Variants in NQO1 observed in about 807,000 individuals in gnomAD.
NQO1 encodes the protein NAD(P)H dehydrogenase [quinone] 1.
In NQO1, 30 loss-of-function variants were observed where a neutral mutation model predicts 32.1. That is an observed-to-expected ratio of 0.94 (90% CI 0.70 to 1.27). The LOEUF (loss-of-function observed/expected upper bound fraction) is 1.27. NQO1 is among the 50% of genes most tolerant of loss of function. The pLI is 0.00. For synonymous variants in NQO1, 109 were observed against 119.7 expected (o/e 0.91, Z 0.59); for missense variants, 276 against 331.3 (o/e 0.83, Z 1.30).
intron 1 of NQO1, 98 bp downstream of exon 1, chr16:69,726,335 C>T (rs2038261626): frequency 4.6e-6 from 7 of 1,525,280 alleles, no homozygotes; most frequent in East Asian, 2.3e-5. Flanking sequence ...GGTTTTGAGT[C>T]AAGGAACAAA....
rs114210534 is a variant in NQO1 at position 69,717,589 on chromosome 16, A to C, written c.303+534T>G. 5.5e-3 allele frequency among the ~76,000 whole-genome samples: 838 copies of C among 151,618 alleles called. 8 individuals carry two copies. The highest frequency in any genetic ancestry group is 0.019 in the African/African-American group (788 of 41,374). On this transcript the variant is annotated intron_variant, in intron 3 of 5. Transcript: ENST00000320623. Reference sequence around the variant, plus strand: ...CTCAAGGACTGTACATCATCTCTGCAGCTGCATTTCTTTCTTTCTTTTTTT... The same window carrying C: ...CTCAAGGACTGTACATCATCTCTGCCGCTGCATTTCTTTCTTTCTTTTTTT...
intron 4 of NQO1, among the ~76,000 whole-genome samples, chr16:69,714,706 C>T (rs906853715): frequency 3.3e-5 from 5 of 151,366 alleles, no homozygotes; most frequent in African/African-American, 1.2e-4. Flanking sequence ...ATGGAGAAAC[C>T]CCGTCTCTAC....
chr16:69,713,896 T>TTGTTTTTGTTTTTTTTTTTTTTGG (rs2038075981), intron 4 of NQO1, among the ~76,000 whole-genome samples: 1 of 121,204 alleles, frequency 8.3e-6, no homozygotes, highest in Admixed American at 9.3e-5. Flanking sequence ...TTGTTTTTGA[T>TTGTTTTTGTTTTTTTTTTTTTTGG]ATGGAGGCTC....
intron 5 of NQO1, among the ~76,000 whole-genome samples, chr16:69,711,825 TG>T (rs1404254461): frequency 6.6e-6 from 1 of 152,008 alleles, no homozygotes; most frequent in South Asian, 2.1e-4. Context: ...AGATAATTTT[TG>T]TATCTTTAGT....
chr16:69,724,069 T>C (rs1283368605), intron 1 of NQO1, among the ~76,000 whole-genome samples: 1 of 151,272 alleles, frequency 6.6e-6, no homozygotes, highest in East Asian at 2.0e-4. Context: ...ATCGTAGCAC[T>C]TTGGGAGACC....
At chr16:69,712,537 G>A (rs1391439920) in intron 5 of NQO1, among the ~76,000 whole-genome samples, 1 of 152,198 alleles carries the variant, frequency 6.6e-6, no homozygotes, top group Non-Finnish European at 1.5e-5. Context: ...ACACGCAGGT[G>A]TGTTCACACA....
rs13336357 is a variant in NQO1 at position 69,714,917 on chromosome 16, G to A, written c.417+47C>T. On this transcript the variant is annotated intron_variant, in intron 4 of 5. Coordinates refer to ENST00000320623, the MANE Select transcript of NQO1 (RefSeq NM_000903.3). ...AAACAAACACCCCTGCATCAGGACA[G>A]ACCACCCAGAAGCTGGCTGTCAGAG... 567 of 1,339,730 alleles carry A rather than the reference G, an allele frequency of 4.2e-4. 2 individuals are homozygous for A. In the African/African-American group the frequency reaches 6.7e-3, roughly 16 times the overall value. 83.0% of individuals were successfully genotyped at this position (1,339,730 alleles called of 1,614,324 possible).
At chr16:69,721,403 A>G (rs1256480165) in intron 1 of NQO1, among the ~76,000 whole-genome samples, 1 of 152,022 alleles carries the variant, frequency 6.6e-6, no homozygotes, top group African/African-American at 2.4e-5. Context: ...TCTACCTCCC[A>G]CCGTCTATGT....
At chr16:69,712,448 A>G (rs1008346616) in intron 5 of NQO1, among the ~76,000 whole-genome samples, 4 of 152,322 alleles carry the variant, frequency 2.6e-5, no homozygotes, top group African/African-American at 7.2e-5. Context: ...TGGTGAGACC[A>G]GGGCCCACGG....
At chr16:69,722,532 C>G (rs989347638) in intron 1 of NQO1, among the ~76,000 whole-genome samples, 1 of 152,196 alleles carries the variant, frequency 6.6e-6, no homozygotes, top group Admixed American at 6.6e-5. Context: ...ACATTTAAAC[C>G]TTAAGCTCTC....
intron 3 of NQO1, 32 bp downstream of exon 3, chr16:69,718,091 T>A (rs2038137925): frequency 6.2e-7 from 1 of 1,612,944 alleles, no homozygotes; most frequent in East Asian, 2.2e-5. Context: ...CACGCAAATG[T>A]CCCTGACACC....
chr16:69,723,965 G>A (rs1195978599), intron 1 of NQO1, among the ~76,000 whole-genome samples: 2 of 152,142 alleles, frequency 1.3e-5, no homozygotes, highest in Non-Finnish European at 2.9e-5. Context: ...ATGCACACAC[G>A]GATAACCTCT....
intron 1 of NQO1, among the ~76,000 whole-genome samples, chr16:69,719,034 CA>C (rs11423997): frequency 1.1e-4 from 16 of 144,238 alleles, no homozygotes; most frequent in South Asian, 2.2e-4. Flanking sequence ...GACTCCGTCT[CA>C]AAAAAAAAAA....
At chr16:69,724,758 C>T (rs184618966) in intron 1 of NQO1, among the ~76,000 whole-genome samples, 2 of 152,134 alleles carry the variant, frequency 1.3e-5, no homozygotes, top group African/African-American at 4.8e-5. Flanking sequence ...CATGCATTCT[C>T]CTTCTGCCTT....
chr16:69,720,705 G>A (rs2917674), intron 1 of NQO1, among the ~76,000 whole-genome samples: 129,849 of 151,948 alleles, frequency 0.85, 55,675 homozygotes, highest in Admixed American at 0.91. Flanking sequence ...CAATCACATT[G>A]AACTATTAAC....
intron 3 of NQO1, among the ~76,000 whole-genome samples, chr16:69,715,839 G>C (rs2038105606): frequency 6.6e-6 from 1 of 152,030 alleles, no homozygotes; most frequent in Admixed American, 6.6e-5. Context: ...ATATCACTTA[G>C]AATAAACAAA....
intron 3 of NQO1, among the ~76,000 whole-genome samples, chr16:69,716,117 G>A (rs2038108813): frequency 6.6e-6 from 1 of 151,824 alleles, no homozygotes; most frequent in African/African-American, 2.4e-5. Context: ...GCAGGGAGCT[G>A]TGATCACCAC....
In NQO1 at chr16:69,711,294, A is replaced by G. The variant is rs1312247991; in HGVS notation, c.520-13T>C. On this transcript the variant is annotated splice_polypyrimidine_tract_variant and intron_variant, in intron 5 of 5. Transcript: ENST00000320623. ...GCAGAATGCCACTCTGAGGATACAG[A>G]AAGCACAGAGAGGTAAGTCAACCAA... 1 of 1,600,058 alleles carries G rather than the reference A, an allele frequency of 6.2e-7. No homozygotes were observed. The highest frequency in any genetic ancestry group is 8.5e-7 in the Non-Finnish European group (1 of 1,170,648).
rs377612695 is a variant in NQO1 at position 69,717,880 on chromosome 16, G to T, written c.303+243C>A. 4.0e-5 allele frequency: 18 copies of T among 454,860 alleles called. 1 individual carries two copies. Among genetic ancestry groups the T allele is most frequent in the South Asian group, 3.0e-4 (12 of 39,822 alleles). The allele number at this position is 454,860 out of a possible 1,614,324, so 28.2% of individuals were successfully genotyped here. A position where few individuals can be genotyped will look rare whatever the true frequency, so the allele number is the denominator to read the frequency against. ...CCTGCCTTGGCCTCCCAAAGTGCTG[G>T]GATTACAGGCGTGAGCCACCGTGCC... is the stretch of plus-strand genomic sequence containing the variant. On this transcript the variant is annotated intron_variant, in intron 3 of 5. Coordinates refer to ENST00000320623, the MANE Select transcript of NQO1 (RefSeq NM_000903.3).
Sources: allele counts gnomAD v4.1 joint callset (sites outside exome capture counted in the v4.1 genomes callset), GRCh38; gene constraint gnomAD v4.1.1; transcripts MANE v1.5; gene names NCBI Gene and HGNC (gene_info 2026-07-23, HGNC 2026-07-21).